The following ERMP1 variants were observed in gnomAD, a reference collection of about 807,000 sequenced individuals.
ERMP1 encodes Felix-ina.
ERMP1 carries 86 observed loss-of-function variants against 92.0 expected under a neutral mutation model. The observed-to-expected ratio is 0.93, with a 90% CI of 0.79 to 1.12. The LOEUF (loss-of-function observed/expected upper bound fraction) is 1.12, where lower values mean the gene tolerates loss of function less well. ERMP1 is among the 50% of genes most tolerant of loss of function. The probability of loss-of-function intolerance (pLI) is 0.00; values close to 1 mark genes in which losing one functional copy is unlikely to be tolerated. For synonymous variants in ERMP1, 530 were observed against 412.8 expected, an observed-to-expected ratio of 1.28 and a Z score of -3.44; for missense variants, 1,342 against 1,116.3, an observed-to-expected ratio of 1.20 and a Z score of -2.88.
At chr9:5,832,450 C>T (rs1288219388) in intron 1 of ERMP1, 1 of 454,740 alleles carries the variant, frequency 2.2e-6, no homozygotes, top group Non-Finnish European at 3.9e-6. Context: ...CAGGTTCAAT[C>T]TACCTGGCAA....
chr9:5,791,320 C>G, intron 13 of ERMP1: 1 of 456,106 alleles, frequency 2.2e-6, no homozygotes, highest in Non-Finnish European at 4.4e-6. Flanking sequence ...TGAAGGCAGT[C>G]TGCTAGCAGA....
chr9:5,834,375 A>C (rs897774596), upstream of ERMP1, among the ~76,000 whole-genome samples: 2 of 152,220 alleles, frequency 1.3e-5, no homozygotes. Context: ...CCATGTTTGC[A>C]TGTGACTATT....
At chr9:5,807,131 G>C (rs991359878) in intron 8 of ERMP1, among the ~76,000 whole-genome samples, 1 of 152,120 alleles carries the variant, frequency 6.6e-6, no homozygotes, top group Non-Finnish European at 1.5e-5. Flanking sequence ...AACATCGCTC[G>C]AATCTATTTT....
intron 5 of ERMP1, among the ~76,000 whole-genome samples, chr9:5,861,386 G>T (rs1369822423): frequency 6.6e-6 from 1 of 151,994 alleles, no homozygotes; most frequent in African/African-American, 2.4e-5. Flanking sequence ...AAGGTACAGG[G>T]TTGAGTTTTC....
At chr9:5,801,358 T>C (rs758987216) in intron 10 of ERMP1, 30 bp from the exon 11 acceptor site, 23 of 1,593,506 alleles carry the variant, frequency 1.4e-5, no homozygotes, top group Non-Finnish European at 2.0e-5. Flanking sequence ...CACAGAAATA[T>C]TACAAATTCA....
chr9:5,860,639 G>GT (rs1318439666), intron 5 of ERMP1, among the ~76,000 whole-genome samples: 2 of 150,758 alleles, frequency 1.3e-5, no homozygotes, highest in Non-Finnish European at 3.0e-5. Flanking sequence ...AGAGATCGGG[G>GT]GGTCTCACTC....
upstream of ERMP1, among the ~76,000 whole-genome samples, chr9:5,834,807 G>T (rs1017091629): frequency 6.7e-5 from 10 of 148,962 alleles, no homozygotes; most frequent in African/African-American, 2.5e-4. Flanking sequence ...GGCTGTTGGG[G>T]ACGGGTAGAT....
chr9:5,832,850 C>G lies in ERMP1; in HGVS notation c.178G>C (p.Ala60Pro), dbSNP rs774424647. Residue 60 changes from alanine to proline, a missense_variant, in exon 1 of 15, where the codon GCG becomes CCG. By Grantham distance (27) the Ala-to-Pro change is conservative (BLOSUM62 -1). Coordinates refer to ENST00000339450, the MANE Select transcript of ERMP1 (RefSeq NM_024896.3). ...RKRSPGGSGG[A>P]SRGAGTGLSE... is the part of the protein sequence containing the mutation. Reference sequence around the variant, plus strand: ...AGCCCGGTCCCCGCGCCCCTGCTCGCGCCGCCGCTACCCCCGGGGCTCCTC... The same window carrying G: ...AGCCCGGTCCCCGCGCCCCTGCTCGGGCCGCCGCTACCCCCGGGGCTCCTC... 1 of 1,505,862 alleles carries G rather than the reference C, an allele frequency of 6.6e-7. No homozygotes were observed. Among genetic ancestry groups the G allele is most frequent in the Non-Finnish European group, 8.8e-7 (1 of 1,135,596 alleles). 93.3% of individuals were successfully genotyped at this position (1,505,862 alleles called of 1,614,324 possible).
intron 13 of ERMP1, among the ~76,000 whole-genome samples, chr9:5,796,768 G>T (rs1255287686): frequency 6.6e-6 from 1 of 152,102 alleles, no homozygotes; most frequent in Non-Finnish European, 1.5e-5. Flanking sequence ...TTTCTAGATG[G>T]TAAATCTATT....
chr9:5,834,853 G>C (rs1830067913), upstream of ERMP1, among the ~76,000 whole-genome samples: 1 of 151,820 alleles, frequency 6.6e-6, no homozygotes, highest in East Asian at 1.9e-4. Flanking sequence ...AGTACACATG[G>C]CATTATTCAA....
At chr9:5,853,459 G>A (rs1372715683) in intron 6 of ERMP1, among the ~76,000 whole-genome samples, 1 of 152,020 alleles carries the variant, frequency 6.6e-6, no homozygotes, top group African/African-American at 2.4e-5. Flanking sequence ...TGATCTCCCA[G>A]AAGAGCCATA....
chr9:5,851,334 T>C (rs1312949858), intron 6 of ERMP1, among the ~76,000 whole-genome samples: 1 of 152,224 alleles, frequency 6.6e-6, no homozygotes, highest in Non-Finnish European at 1.5e-5. Context: ...ACCTATTTTT[T>C]ACAGAGAAAT....
intron 5 of ERMP1, among the ~76,000 whole-genome samples, chr9:5,812,562 T>G (rs2296058): frequency 0.34 from 52,008 of 152,060 alleles, 10,312 homozygotes; most frequent in East Asian, 0.75. Flanking sequence ...AAATAAGTTG[T>G]ACATACAAGT....
At chr9:5,856,155 A>G in intron 6 of ERMP1, 1 of 311,422 alleles carries the variant, frequency 3.2e-6, no homozygotes, top group Non-Finnish European at 6.5e-6. Context: ...TCTTCAAATC[A>G]GGGCATTGGT....
At chr9:5,828,714 G>T (rs1286147379) in intron 2 of ERMP1, among the ~76,000 whole-genome samples, 1 of 152,092 alleles carries the variant, frequency 6.6e-6, no homozygotes, top group East Asian at 1.9e-4. Flanking sequence ...CTTCTATTTG[G>T]TTTTTCTCTT....
chr9:5,846,968 G>C (rs890277464), intron 6 of ERMP1, among the ~76,000 whole-genome samples: 4 of 152,120 alleles, frequency 2.6e-5, no homozygotes, highest in African/African-American at 9.7e-5. Context: ...TTTCCTTCAG[G>C]TTTCCCACAG....
chr9:5,845,905 AG>A (rs529650300), intron 6 of ERMP1, among the ~76,000 whole-genome samples: 229 of 152,328 alleles, frequency 1.5e-3, no homozygotes, highest in African/African-American at 5.2e-3. Flanking sequence ...ACTGTTGTTC[AG>A]GCCCTCGGAG....
intron 13 of ERMP1, among the ~76,000 whole-genome samples, chr9:5,788,154 C>T (rs990218266): frequency 6.6e-6 from 1 of 152,144 alleles, no homozygotes; most frequent in Non-Finnish European, 1.5e-5. Flanking sequence ...TAAACAAAAA[C>T]ACACCCTCAG....
intron 4 of ERMP1, among the ~76,000 whole-genome samples, chr9:5,823,303 T>C (rs1829610914): frequency 6.6e-6 from 1 of 152,156 alleles, no homozygotes; most frequent in African/African-American, 2.4e-5. Context: ...TAAAAATTAT[T>C]CTGGCTGATT....
Sources: allele counts gnomAD v4.1 joint callset (sites outside exome capture counted in the v4.1 genomes callset), GRCh38; gene constraint gnomAD v4.1.1; transcripts MANE v1.5; gene names NCBI Gene and HGNC (gene_info 2026-07-23, HGNC 2026-07-21).